The following NKAIN2 variants were observed in gnomAD, a reference collection of about 807,000 sequenced individuals.
The protein encoded by NKAIN2 is sodium/potassium transporting ATPase interacting 2.
NKAIN2 carries 14 observed loss-of-function variants against 32.6 expected under a neutral mutation model. The ratio of observed to expected loss-of-function variants is 0.43; its 90% CI spans 0.28 to 0.67. The LOEUF is 0.67. Ranked by LOEUF, NKAIN2 falls within the 30% of genes least tolerant of loss-of-function variation. NKAIN2 has a pLI of 0.17. For missense variants in NKAIN2, 198 were observed against 258.3 expected (o/e 0.77, Z 1.60); for synonymous variants, 80 against 87.2 (o/e 0.92, Z 0.46).
At chr6:124,525,798 G>A (rs575121543) in intron 3 of NKAIN2, among the ~76,000 whole-genome samples, 2 of 152,204 alleles carry the variant, frequency 1.3e-5, no homozygotes, top group African/African-American at 4.8e-5. Flanking sequence ...AGTGTTCTGA[G>A]AATGAAAAAA....
intron 3 of NKAIN2, among the ~76,000 whole-genome samples, chr6:124,487,838 T>C (rs992874796): frequency 6.6e-6 from 1 of 152,088 alleles, no homozygotes; most frequent in Non-Finnish European, 1.5e-5. Flanking sequence ...AAATTAAGAC[T>C]GCTGACATAG....
At chr6:124,431,970 G>A (rs1775236765) in intron 3 of NKAIN2, among the ~76,000 whole-genome samples, 1 of 152,150 alleles carries the variant, frequency 6.6e-6, no homozygotes, top group African/African-American at 2.4e-5. Context: ...TCAGAAAGAA[G>A]ACTTTGGGAA....
chr6:124,242,991 A>G (rs1422901061), intron 1 of NKAIN2, among the ~76,000 whole-genome samples: 1 of 151,906 alleles, frequency 6.6e-6, no homozygotes, highest in African/African-American at 2.4e-5. Flanking sequence ...CACCTGTGTA[A>G]CATACCTGCA....
chr6:123,873,901 GTGA>G (rs1773035201), intron 1 of NKAIN2, among the ~76,000 whole-genome samples: 1 of 152,106 alleles, frequency 6.6e-6, no homozygotes, highest in Non-Finnish European at 1.5e-5. Flanking sequence ...TTTGTGCTTT[GTGA>G]TGATGATTTT....
intron 3 of NKAIN2, among the ~76,000 whole-genome samples, chr6:124,399,103 T>G (rs181983747): frequency 6.6e-6 from 1 of 152,102 alleles, no homozygotes; most frequent in African/African-American, 2.4e-5. Flanking sequence ...ATTTTTGTAT[T>G]TTTAGTAGAG....
At chr6:123,973,982 A>G (rs1778445528) in intron 1 of NKAIN2, among the ~76,000 whole-genome samples, 1 of 152,186 alleles carries the variant, frequency 6.6e-6, no homozygotes, top group African/African-American at 2.4e-5. Context: ...AATTTTGTAT[A>G]TAATGGCTCA....
At chr6:124,465,247 G>T (rs1450833325) in intron 3 of NKAIN2, among the ~76,000 whole-genome samples, 1 of 151,882 alleles carries the variant, frequency 6.6e-6, no homozygotes, top group Non-Finnish European at 1.5e-5. Flanking sequence ...GCCGATCAAT[G>T]GTAGACTGGA....
chr6:123,871,606 A>T (rs1348636340), intron 1 of NKAIN2, among the ~76,000 whole-genome samples: 2 of 152,204 alleles, frequency 1.3e-5, no homozygotes, highest in Non-Finnish European at 2.9e-5. Context: ...AAAAGGGGGC[A>T]TAGGAGATAT....
intron 3 of NKAIN2, among the ~76,000 whole-genome samples, chr6:124,617,418 T>C (rs553849188): frequency 6.6e-6 from 1 of 152,326 alleles, no homozygotes; most frequent in Non-Finnish European, 1.5e-5. Context: ...AATCATTCTT[T>C]CTTTTTCTTG....
chr6:123,862,593 A>G (rs1014895918), intron 1 of NKAIN2, among the ~76,000 whole-genome samples: 2 of 152,054 alleles, frequency 1.3e-5, no homozygotes, highest in African/African-American at 4.8e-5. Flanking sequence ...TTCATTCCCT[A>G]CTGCTCCATA....
intron 3 of NKAIN2, among the ~76,000 whole-genome samples, chr6:124,598,394 A>G (rs187493178): frequency 3.7e-4 from 57 of 152,296 alleles, no homozygotes; most frequent in African/African-American, 1.3e-3. Flanking sequence ...TTTAAAACTC[A>G]TGAGACCAAT....
chr6:124,501,431 T>C (rs981034480), intron 3 of NKAIN2, among the ~76,000 whole-genome samples: 14 of 152,130 alleles, frequency 9.2e-5, no homozygotes, highest in African/African-American at 3.4e-4. Context: ...TTAGCCGTAA[T>C]GGAAGGGAAA....
At chr6:123,821,146 A>G (rs1197126096) in intron 1 of NKAIN2, among the ~76,000 whole-genome samples, 6 of 152,214 alleles carry the variant, frequency 3.9e-5, no homozygotes, top group African/African-American at 1.4e-4. Context: ...ATACAAATTG[A>G]CAGTTTGGAA....
intron 1 of NKAIN2, among the ~76,000 whole-genome samples, chr6:124,024,575 T>A (rs1781019058): frequency 6.6e-6 from 1 of 152,182 alleles, no homozygotes; most frequent in Non-Finnish European, 1.5e-5. Flanking sequence ...GCTCATTTTT[T>A]ATACTTAAAT....
chr6:123,907,575 C>G (rs1272378904), intron 1 of NKAIN2, among the ~76,000 whole-genome samples: 1 of 152,112 alleles, frequency 6.6e-6, no homozygotes, highest in Non-Finnish European at 1.5e-5. Context: ...CCAAATTACC[C>G]TGAAACTAAT....
At chr6:124,172,651 G>A (rs1267677070) in intron 1 of NKAIN2, among the ~76,000 whole-genome samples, 1 of 152,028 alleles carries the variant, frequency 6.6e-6, no homozygotes, top group Non-Finnish European at 1.5e-5. Flanking sequence ...AAGTTCCAAA[G>A]CCTGTTAGAA....
At chr6:124,263,668 T>G (rs1336700984) in intron 1 of NKAIN2, among the ~76,000 whole-genome samples, 1 of 152,170 alleles carries the variant, frequency 6.6e-6, no homozygotes, top group African/African-American at 2.4e-5. Flanking sequence ...GTCTAAGAAC[T>G]TGTTTGTAAA....
chr6:124,206,134 C>T (rs1161615514), intron 1 of NKAIN2, among the ~76,000 whole-genome samples: 4 of 151,886 alleles, frequency 2.6e-5, no homozygotes, highest in African/African-American at 9.7e-5. Flanking sequence ...TCCAGAGCTC[C>T]TACTTGTGAG....
intron 1 of NKAIN2, among the ~76,000 whole-genome samples, chr6:123,896,101 C>T (rs1164833143): frequency 1.3e-5 from 2 of 152,104 alleles, no homozygotes; most frequent in East Asian, 3.9e-4. Context: ...ATAATGATAA[C>T]CCTGAGTCAT....
Sources: gnomAD v4.1 joint callset for allele counts (sites outside exome capture counted in the v4.1 genomes callset) on GRCh38, gnomAD v4.1.1 for gene constraint, MANE v1.5 for transcripts, NCBI Gene and HGNC (gene_info 2026-07-23, HGNC 2026-07-21) for gene names.